TFDP2: variants seen among roughly 807,000 people sequenced by gnomAD.
TFDP2 encodes transcription factor Dp-2 (E2F dimerization partner 2).
TFDP2 carries 17 observed loss-of-function variants against 59.3 expected under a neutral mutation model. The ratio of observed to expected loss-of-function variants is 0.29; its 90% CI spans 0.20 to 0.43. The LOEUF (loss-of-function observed/expected upper bound fraction) is 0.43, where lower values mean the gene tolerates loss of function less well. TFDP2 is among the 20% of genes least tolerant of loss of function. The pLI is 1.00. For synonymous variants in TFDP2, 180 were observed against 194.7 expected (o/e 0.92, Z 0.63); for missense variants, 391 against 528.8 (o/e 0.74, Z 2.56).
chr3:142,043,299 G>A (rs11714792), intron 3 of TFDP2, among the ~76,000 whole-genome samples: 91,960 of 150,066 alleles, frequency 0.61, 29,326 homozygotes, highest in East Asian at 0.77. Flanking sequence ...CACCCACCTC[G>A]GCCTCCCAAA....
intron 11 of TFDP2, among the ~76,000 whole-genome samples, chr3:141,954,741 G>A (rs1378837314): frequency 6.6e-6 from 1 of 151,974 alleles, no homozygotes; most frequent in East Asian, 1.9e-4. Flanking sequence ...TTCCTAAAAA[G>A]AAATTCTATA....
intron 1 of TFDP2, among the ~76,000 whole-genome samples, chr3:142,135,199 G>C (rs1414453879): frequency 1.3e-5 from 2 of 152,110 alleles, no homozygotes; most frequent in East Asian, 3.9e-4. Context: ...TTGAATCCCT[G>C]GGCTCAAGCA....
chr3:142,102,335 A>C (rs745829798), intron 1 of TFDP2, among the ~76,000 whole-genome samples: 29 of 152,244 alleles, frequency 1.9e-4, no homozygotes, highest in Non-Finnish European at 3.8e-4. Flanking sequence ...CATTGAATAG[A>C]GCCTACAGCT....
intron 1 of TFDP2, among the ~76,000 whole-genome samples, chr3:142,143,458 A>T (rs2063036798): frequency 6.6e-6 from 1 of 152,216 alleles, no homozygotes; most frequent in Non-Finnish European, 1.5e-5. Flanking sequence ...AACAAAGTGA[A>T]GAGACAACCC....
intron 3 of TFDP2, among the ~76,000 whole-genome samples, chr3:142,080,414 C>T (rs181930270): frequency 0.011 from 1,607 of 151,700 alleles, 11 homozygotes; most frequent in Non-Finnish European, 0.017. Flanking sequence ...CTAAAAGGAA[C>T]GCAGGAAGGA....
intron 3 of TFDP2, among the ~76,000 whole-genome samples, chr3:142,033,212 C>G (rs1464762579): frequency 6.6e-6 from 1 of 152,074 alleles, no homozygotes; most frequent in East Asian, 1.9e-4. Flanking sequence ...TAGATAAATA[C>G]ATAAAATTAA....
intron 1 of TFDP2, among the ~76,000 whole-genome samples, chr3:142,102,300 T>A (rs2061337798): frequency 6.6e-6 from 1 of 151,990 alleles, no homozygotes; most frequent in Admixed American, 6.6e-5. Context: ...CCAAAGTACA[T>A]ACTGATAGTA....
intron 3 of TFDP2, among the ~76,000 whole-genome samples, chr3:142,008,690 T>C (rs1412745988): frequency 6.6e-6 from 1 of 152,046 alleles, no homozygotes; most frequent in Non-Finnish European, 1.5e-5. Flanking sequence ...TACATATACA[T>C]ACATATACGT....
intron 3 of TFDP2, among the ~76,000 whole-genome samples, chr3:142,082,670 A>G (rs2060677793): frequency 2.0e-5 from 3 of 152,258 alleles, no homozygotes; most frequent in Admixed American, 2.0e-4. Flanking sequence ...AAGATCATTG[A>G]TCATGACCAA....
Position 142,067,829 on chromosome 3 carries a change from CCT to C in TFDP2, c.82+25230_82+25231del, listed in dbSNP as rs1451122470. Among the ~76,000 whole-genome samples the C allele has an allele frequency of 3.3e-5, 5 of 151,902 alleles. No homozygotes were observed. The East Asian group carries it at 9.7e-4, about 29-fold the overall frequency. On this transcript the variant is annotated intron_variant, in intron 3 of 12. Transcript: ENST00000489671. The stretch of plus-strand genomic sequence containing the variant: ...ACCAGCCTAGGCAACAAAGTGAGAC[CCT>C]GTCTCTACAAACAAATTTAAAAATT...
intron 11 of TFDP2, 108 bp from the exon 12 acceptor site, chr3:141,953,124 T>C: frequency 5.5e-6 from 4 of 724,712 alleles, no homozygotes; most frequent in Non-Finnish European, 2.3e-6. Flanking sequence ...TTATTCTTCA[T>C]GACAGCTAGA....
rs147053681 is a variant in TFDP2 at position 141,979,691 on chromosome 3, C to T, written c.357-1009G>A. Among the ~76,000 whole-genome samples, 567 of 152,078 alleles carry T rather than the reference C, an allele frequency of 3.7e-3. 5 individuals carry two copies. The highest frequency in any genetic ancestry group is 0.013 in the African/African-American group (537 of 41,504). On this transcript the variant is annotated intron_variant, in intron 6 of 12. Coordinates refer to ENST00000489671, the MANE Select transcript of TFDP2 (RefSeq NM_001178139.2). ...GCAACCTCCGCCTCCCAGGTTCAAG[C>T]GATTCTCCTGCCTCAGCCTCCCGAG...
chr3:141,996,171 T>C (rs1201819015), intron 4 of TFDP2, among the ~76,000 whole-genome samples: 1 of 152,156 alleles, frequency 6.6e-6, no homozygotes, highest in Admixed American at 6.6e-5. Context: ...CTTAAAATTT[T>C]CACTGGTTAC....
At chr3:142,103,108 C>T (rs1158458253) in intron 1 of TFDP2, among the ~76,000 whole-genome samples, 4 of 151,822 alleles carry the variant, frequency 2.6e-5, no homozygotes, top group African/African-American at 7.3e-5. Context: ...TGTGGTGGTG[C>T]GTGTCTGTAG....
chr3:141,967,009 C>T (rs1014570808), intron 9 of TFDP2, among the ~76,000 whole-genome samples: 6 of 151,774 alleles, frequency 4.0e-5, no homozygotes, highest in Admixed American at 6.6e-5. Flanking sequence ...CTCCGCCTCC[C>T]GGGTTCAAGT....
chr3:141,953,183 GA>G (rs968528599), intron 11 of TFDP2, among the ~76,000 whole-genome samples, 167 bp from the exon 12 acceptor site: 1 of 148,726 alleles, frequency 6.7e-6, no homozygotes, highest in Admixed American at 6.7e-5. Context: ...CTTCTTGGAA[GA>G]AAAAAAAATT....
At chr3:141,969,728 C>G (rs11569256) in intron 9 of TFDP2, among the ~76,000 whole-genome samples, 17,696 of 152,228 alleles carry the variant, frequency 0.12, 1,272 homozygotes, top group East Asian at 0.18. Context: ...TAAAATTTAA[C>G]TAGCTTCACT....
At chr3:142,144,956 T>G (rs772548015) in intron 1 of TFDP2, among the ~76,000 whole-genome samples, 23 of 152,148 alleles carry the variant, frequency 1.5e-4, no homozygotes, top group Admixed American at 3.9e-4. Flanking sequence ...AAGCTATTAC[T>G]GCAGTACACT....
intron 3 of TFDP2, among the ~76,000 whole-genome samples, chr3:142,027,341 A>G (rs1374161440): frequency 6.6e-6 from 1 of 152,120 alleles, no homozygotes; most frequent in Non-Finnish European, 1.5e-5. Context: ...ATTAAATCAG[A>G]TTTATGACCT....
Sources: gnomAD v4.1 joint callset for allele counts (sites outside exome capture counted in the v4.1 genomes callset) on GRCh38, gnomAD v4.1.1 for gene constraint, MANE v1.5 for transcripts, NCBI Gene and HGNC (gene_info 2026-07-23, HGNC 2026-07-21) for gene names.